The following ANXA13 variants were observed in gnomAD, a reference collection of about 807,000 sequenced individuals.
ANXA13 encodes the protein annexin XIII.
A neutral mutation model predicts 46.6 loss-of-function variants in ANXA13; 36 were observed. The ratio of observed to expected loss-of-function variants is 0.77; its 90% CI spans 0.59 to 1.02. The LOEUF (loss-of-function observed/expected upper bound fraction) is 1.02, where lower values mean the gene tolerates loss of function less well. Among genes scored for constraint, ANXA13 ranks in the 50% least tolerant of loss-of-function variants. The pLI is 0.00. For missense variants in ANXA13, 417 were observed against 396.5 expected (o/e 1.05, Z -0.44); for synonymous variants, 163 against 152.9 (o/e 1.07, Z -0.49).
chr8:123,732,672 G>GT (rs1299531790), intron 1 of ANXA13, among the ~76,000 whole-genome samples: 4,735 of 143,944 alleles, frequency 0.033, 188 homozygotes, highest in African/African-American at 0.1. Context: ...TGGCTGGTTT[G>GT]TTTTTTTTTT....
chr8:123,698,263 C>T, intron 4 of ANXA13, 126 bp downstream of exon 4: 1 of 1,025,830 alleles, frequency 9.7e-7, no homozygotes, highest in Non-Finnish European at 1.4e-6. Context: ...ACCAAGCACA[C>T]ATATGTCTCC....
chr8:123,688,464 G>A (rs962512732), intron 9 of ANXA13, among the ~76,000 whole-genome samples: 1 of 152,092 alleles, frequency 6.6e-6, no homozygotes, highest in Non-Finnish European at 1.5e-5. Flanking sequence ...AATACAGCAG[G>A]ACTGCAATGG....
intron 1 of ANXA13, among the ~76,000 whole-genome samples, chr8:123,719,623 AAG>A (rs748486556): frequency 2.9e-4 from 44 of 152,218 alleles, no homozygotes; most frequent in Non-Finnish European, 4.7e-4. Flanking sequence ...AATTAAATAA[AAG>A]AGAGAGGGGA....
Position 123,690,671 on chromosome 8 carries a change from C to T in ANXA13, c.643-1725G>A, listed in dbSNP as rs1586314169. 1.3e-5 allele frequency among the ~76,000 whole-genome samples: 2 copies of T among 152,218 alleles called. No homozygotes were observed. The highest frequency in any genetic ancestry group is 4.8e-5 in the African/African-American group (2 of 41,460). ...ATTTTCTGATCTCAGTAGAAAAACA[C>T]ATTATAAGGGTAGATTCCAAACAAG... is the stretch of plus-strand genomic sequence containing the variant. On this transcript the variant is annotated intron_variant, in intron 8 of 10. Transcript: ENST00000419625. This position sits in a 1 kb window ranked among gnomAD's most constrained non-coding sequence, Gnocchi z 4.6.
chr8:123,698,769 C>T (rs1482920192), intron 3 of ANXA13, among the ~76,000 whole-genome samples: 3 of 152,208 alleles, frequency 2.0e-5, no homozygotes, highest in African/African-American at 4.8e-5. Flanking sequence ...GAGGAGCTCC[C>T]TGCTCAGGGC....
intron 9 of ANXA13, among the ~76,000 whole-genome samples, chr8:123,686,980 C>A (rs569360690): frequency 4.6e-5 from 7 of 152,296 alleles, no homozygotes; most frequent in African/African-American, 1.7e-4. Flanking sequence ...TCCTCAACCC[C>A]AGGGACTTGG....
intron 1 of ANXA13, chr8:123,735,844 G>C (rs565031245): frequency 1.5e-4 from 244 of 1,611,830 alleles, no homozygotes; most frequent in South Asian, 7.3e-4. Context: ...TTAGGCAACT[G>C]TTGACTGCCT....
chr8:123,708,363 A>G (rs1813586145), intron 2 of ANXA13, among the ~76,000 whole-genome samples: 1 of 152,168 alleles, frequency 6.6e-6, no homozygotes, highest in Admixed American at 6.5e-5. Flanking sequence ...GGCTCCAGAC[A>G]GGGTGGGAAG....
At position 123,698,541 on chromosome 8, in the gene ANXA13, T is replaced by C; in HGVS notation, c.205A>G (p.Lys69Glu). ...TCGAAGTTTCCACTCAGCTCACTCT[T>C]GAGTACTTCCTCCAGCTCCTACCAG... ...TYGKELEEVL[K>E]SELSGNFEKT... The change falls in exon 4 of 11, where the codon AAG becomes GAG. Residue 69 changes from lysine (K) to glutamate (E), a missense_variant. Coordinates refer to ENST00000419625, the MANE Select transcript of ANXA13 (RefSeq NM_004306.4). The C allele has an allele frequency of 6.2e-7, 1 of 1,614,178 alleles. No individual in the cohort carries two copies. The highest frequency in any genetic ancestry group is 1.1e-5 in the South Asian group (1 of 91,082).
At chr8:123,683,643 G>A (rs1813083600) in intron 10 of ANXA13, among the ~76,000 whole-genome samples, 1 of 143,152 alleles carries the variant, frequency 7.0e-6, no homozygotes, top group Non-Finnish European at 1.5e-5. Context: ...CTGGAGTGTA[G>A]TGGCACCATC....
chr8:123,725,032 CT>C (rs1359395661), intron 1 of ANXA13, among the ~76,000 whole-genome samples: 1 of 152,152 alleles, frequency 6.6e-6, no homozygotes, highest in African/African-American at 2.4e-5. Flanking sequence ...TAAACAGGTC[CT>C]TTTTTAGTCA....
At chr8:123,704,474 G>T (rs1813505034) in intron 2 of ANXA13, among the ~76,000 whole-genome samples, 1 of 151,854 alleles carries the variant, frequency 6.6e-6, no homozygotes, top group Non-Finnish European at 1.5e-5. Flanking sequence ...CATGATCACT[G>T]CAACCTCCAC....
At position 123,693,291 on chromosome 8, in the gene ANXA13, T is replaced by TC. The variant is rs1204530916; in HGVS notation, c.547dup (p.Glu183GlyfsTer7). On this transcript the variant is annotated frameshift_variant, in exon 8 of 11. Coordinates refer to ENST00000419625, the MANE Select transcript of ANXA13 (RefSeq NM_004306.4). LOFTEE classifies it high-confidence loss of function. ...AAGCTCATCAGTGCCCCAGCGGCCT[T>TC]CCCCTGCCTCAAGGGTCAAATACAA... is the stretch of plus-strand genomic sequence containing the variant. 1 of 1,614,050 alleles carries TC rather than the reference T, an allele frequency of 6.2e-7. No homozygotes were observed. The highest frequency in any genetic ancestry group is 1.7e-5 in the Admixed American group (1 of 59,986).
At chr8:123,733,330 C>T (rs1045484458) in intron 1 of ANXA13, among the ~76,000 whole-genome samples, 1 of 152,148 alleles carries the variant, frequency 6.6e-6, no homozygotes, top group Non-Finnish European at 1.5e-5. Flanking sequence ...AATGCACACC[C>T]TTGGTTAAGA....
chr8:123,736,614 A>G (rs998560339), intron 1 of ANXA13, among the ~76,000 whole-genome samples: 1 of 152,320 alleles, frequency 6.6e-6, no homozygotes. Flanking sequence ...ACCTTGGTCT[A>G]TTAATATTTG....
At chr8:123,693,876 T>G in intron 6 of ANXA13, 97 bp from the exon 7 acceptor site, 2 of 1,042,260 alleles carry the variant, frequency 1.9e-6, no homozygotes, top group Non-Finnish European at 3.0e-6. Context: ...AGAGGTGAAT[T>G]CTTTCTCAGC....
At chr8:123,735,332 A>G (rs2129961209) in intron 1 of ANXA13, among the ~76,000 whole-genome samples, 1 of 152,344 alleles carries the variant, frequency 6.6e-6, no homozygotes, top group South Asian at 2.1e-4. Flanking sequence ...GTTTGTACAT[A>G]TTCAAGTAAC....
chr8:123,703,317 G>C (rs1317262556), intron 2 of ANXA13, among the ~76,000 whole-genome samples: 1 of 151,814 alleles, frequency 6.6e-6, no homozygotes, highest in Non-Finnish European at 1.5e-5. Flanking sequence ...ATATACAGAG[G>C]CTGGAAGTAT....
In ANXA13 at chr8:123,702,752, A is replaced by C. The variant is rs376370235; in HGVS notation, c.92-16T>G. The C allele has an allele frequency of 4.4e-6, 7 of 1,606,370 alleles. No individual in the cohort carries two copies. In the African/African-American group the frequency reaches 9.4e-5, roughly 21 times the overall value. ...TCATTGGTCCCTAAAATACAGGAGA[A>C]ACAAACAAAGCCACAGTGAATAAGA... On this transcript the variant is annotated splice_polypyrimidine_tract_variant and intron_variant, in intron 2 of 10. Coordinates refer to ENST00000419625, the MANE Select transcript of ANXA13 (RefSeq NM_004306.4).
Sources: gnomAD v4.1 joint callset for allele counts (sites outside exome capture counted in the v4.1 genomes callset) on GRCh38, gnomAD v4.1.1 for gene constraint, Gnocchi (gnomAD v3.1) non-coding constraint, MANE v1.5 for transcripts, NCBI Gene and HGNC (gene_info 2026-07-23, HGNC 2026-07-21) for gene names.